The following MOCOS variants were observed in gnomAD, a reference collection of about 807,000 sequenced individuals.
The protein encoded by MOCOS is molybdenum cofactor sulfurase.
MOCOS carries 86 observed loss-of-function variants against 83.6 expected under a neutral mutation model. That is an observed-to-expected ratio of 1.03 (90% CI 0.86 to 1.23). The LOEUF (loss-of-function observed/expected upper bound fraction) is 1.23, where lower values mean the gene tolerates loss of function less well. Among genes scored for constraint, MOCOS ranks in the 50% most tolerant of loss-of-function variants. The pLI is 0.00. For synonymous variants in MOCOS, 445 were observed against 434.7 expected (o/e 1.02, Z -0.29); for missense variants, 1,120 against 1,126.9 (o/e 0.99, Z 0.09).
chr18:36,191,480 G>A (rs117344546), intron 1 of MOCOS, among the ~76,000 whole-genome samples: 6,980 of 152,266 alleles, frequency 0.046, 242 homozygotes, highest in East Asian at 0.13. Flanking sequence ...GACTTGCTCT[G>A]TCACCCAGGC....
At chr18:36,212,211 T>C (rs2091457990) in intron 6 of MOCOS, among the ~76,000 whole-genome samples, 1 of 151,480 alleles carries the variant, frequency 6.6e-6, no homozygotes, top group South Asian at 2.1e-4. Context: ...AGACATCTCC[T>C]CCATGCCCTG....
chr18:36,190,112 A>G (rs1412267740), intron 1 of MOCOS: 1 of 152,214 alleles, frequency 6.6e-6, no homozygotes, highest in Non-Finnish European at 1.5e-5. Context: ...TCCAATAGCT[A>G]CTTGGCCCTC....
Position 36,200,020 on chromosome 18 carries a change from C to T in MOCOS, c.637C>T (p.Leu213=). The T allele has an allele frequency of 6.2e-7, 1 of 1,614,224 alleles. No individual in the cohort carries two copies. The highest frequency in any genetic ancestry group is 1.1e-5 in the South Asian group (1 of 91,078). ...QSNFSGVRYP[L]SWIEEVKSGR... ...TAACTTTTCTGGAGTCAGATACCCCCTGTCCTGGATAGAAGAGGTCAAGTC... is the reference window on the plus strand; with the variant it reads ...TAACTTTTCTGGAGTCAGATACCCCTTGTCCTGGATAGAAGAGGTCAAGTC... Residue 213 remains leucine (L), a synonymous_variant, in exon 4 of 15, where the codon CTG becomes TTG. Coordinates refer to ENST00000261326, the MANE Select transcript of MOCOS (RefSeq NM_017947.4).
chr18:36,203,417 G>A (rs1026374363), intron 5 of MOCOS, among the ~76,000 whole-genome samples: 8 of 152,210 alleles, frequency 5.3e-5, no homozygotes, highest in Non-Finnish European at 1.2e-4. Context: ...ATTTTAACAG[G>A]TAGAAGACAT....
At position 36,200,310 on chromosome 18, in the gene MOCOS, G is replaced by T. The variant is rs1166847447; in HGVS notation, c.927G>T (p.Gln309His). 1.2e-6 allele frequency: 2 copies of T among 1,614,104 alleles called. No individual in the cohort carries two copies. Among genetic ancestry groups the T allele is most frequent in the South Asian group, 2.2e-5 (2 of 91,086 alleles). ...GAGAAGACTTCTACATCCCGAGGCA[G>T]TCGGTAGCTCAGAGGTAACCTTGCC... is the stretch of plus-strand genomic sequence containing the variant. ...LAGEDFYIPRQSVAQRFEDGT... is the reference protein window; with the variant it reads ...LAGEDFYIPRHSVAQRFEDGT... Residue 309 changes from glutamine to histidine, a missense_variant, in exon 4 of 15, where the codon CAG becomes CAT. By Grantham distance (24) the Gln-to-His change is conservative. Coordinates refer to ENST00000261326, the MANE Select transcript of MOCOS (RefSeq NM_017947.4).
chr18:36,246,399 G>A (rs527938619), intron 9 of MOCOS, among the ~76,000 whole-genome samples: 1 of 151,946 alleles, frequency 6.6e-6, no homozygotes, highest in South Asian at 2.1e-4. Flanking sequence ...TTGCCTTTCT[G>A]GTTCTAGCCA....
intron 9 of MOCOS, among the ~76,000 whole-genome samples, chr18:36,236,690 G>C (rs189172338): frequency 5.6e-5 from 8 of 141,716 alleles, no homozygotes; most frequent in African/African-American, 2.2e-4. Context: ...TAGCCTGATG[G>C]GGGTGGCATT....
chr18:36,250,199 T>A (rs1248458697), intron 10 of MOCOS, among the ~76,000 whole-genome samples: 1 of 152,238 alleles, frequency 6.6e-6, no homozygotes, highest in Admixed American at 6.5e-5. Context: ...GATTTATGTA[T>A]AATAAAAAAC....
intron 9 of MOCOS, among the ~76,000 whole-genome samples, chr18:36,230,020 G>A (rs984488205): frequency 6.6e-6 from 1 of 151,974 alleles, no homozygotes; most frequent in African/African-American, 2.4e-5. Flanking sequence ...TTGTTCTTTT[G>A]TTTGGAACAT....
At chr18:36,258,819 C>A (rs1328581709) in intron 12 of MOCOS, among the ~76,000 whole-genome samples, 1 of 152,166 alleles carries the variant, frequency 6.6e-6, no homozygotes, top group Non-Finnish European at 1.5e-5. Context: ...TTGAATGAGG[C>A]AAAGTATCTG....
chr18:36,196,107 G>A (rs2091386412), intron 2 of MOCOS, among the ~76,000 whole-genome samples: 1 of 152,128 alleles, frequency 6.6e-6, no homozygotes, highest in Non-Finnish European at 1.5e-5. Context: ...GGGGAGGGAG[G>A]GAGAAGAAGC....
At chr18:36,200,352 A>G (rs1475497878) in intron 4 of MOCOS, 28 bp downstream of exon 4, 3 of 1,613,226 alleles carry the variant, frequency 1.9e-6, no homozygotes, top group Admixed American at 3.3e-5. Context: ...GAGGGGTCAG[A>G]GGAGTTCAGC....
intron 1 of MOCOS, among the ~76,000 whole-genome samples, chr18:36,192,964 AAAG>A (rs2091371821): frequency 6.6e-6 from 1 of 152,274 alleles, no homozygotes; most frequent in East Asian, 1.9e-4. Context: ...CAATCTTGAA[AAAG>A]AAGATCAAAG....
intron 9 of MOCOS, among the ~76,000 whole-genome samples, chr18:36,243,165 G>C (rs1410236630): frequency 6.6e-6 from 1 of 152,108 alleles, no homozygotes; most frequent in Non-Finnish European, 1.5e-5. Flanking sequence ...AGATCTGGGA[G>C]CTTTTTGGAT....
At position 36,248,565 on chromosome 18, in the gene MOCOS, T is replaced by C. The variant is rs529042503; in HGVS notation, c.1961-357T>C. Among the ~76,000 whole-genome samples, 3 of 152,358 alleles carry C rather than the reference T, an allele frequency of 2.0e-5. No homozygotes were observed. The East Asian group carries it at 5.8e-4, about 29-fold the overall frequency. ...CCAATGTTTTCTTCTAGTAGTTTAATAATTTGGGGTCTTAGATTTAAATCT... is the reference window on the plus strand; with the variant it reads ...CCAATGTTTTCTTCTAGTAGTTTAACAATTTGGGGTCTTAGATTTAAATCT... On this transcript the variant is annotated intron_variant, in intron 9 of 14. Transcript: ENST00000261326.
intron 5 of MOCOS, among the ~76,000 whole-genome samples, chr18:36,203,577 T>C (rs1055263939): frequency 1.1e-4 from 16 of 152,170 alleles, no homozygotes; most frequent in African/African-American, 3.6e-4. Flanking sequence ...AATGAGCTGA[T>C]GCTCAGAGAG....
At chr18:36,187,713 A>G (rs781673569) in intron 1 of MOCOS, 32 bp downstream of exon 1, 9 of 1,256,656 alleles carry the variant, frequency 7.2e-6, no homozygotes, top group African/African-American at 3.1e-5. Flanking sequence ...GGGGGACACG[A>G]GGTTTCTGGA....
At chr18:36,222,003 G>T (rs2091497918) in intron 9 of MOCOS, among the ~76,000 whole-genome samples, 1 of 152,204 alleles carries the variant, frequency 6.6e-6, no homozygotes, top group South Asian at 2.1e-4. Flanking sequence ...GGGATTACAG[G>T]CATAAGCCAC....
intron 4 of MOCOS, 62 bp from the exon 5 acceptor site, chr18:36,203,051 C>T (rs1406973658): frequency 6.1e-5 from 91 of 1,503,986 alleles, no homozygotes; most frequent in Middle Eastern, 3.4e-4. Flanking sequence ...TTATATACCA[C>T]GAAATGCACA....
Sources: gnomAD v4.1 joint callset for allele counts (sites outside exome capture counted in the v4.1 genomes callset) on GRCh38, gnomAD v4.1.1 for gene constraint, MANE v1.5 for transcripts, NCBI Gene and HGNC (gene_info 2026-07-23, HGNC 2026-07-21) for gene names.